Variants in RYR3 observed in about 807,000 individuals in gnomAD.
RYR3 encodes the protein brain ryanodine receptor-calcium release channel.
Under a neutral mutation model 584.3 loss-of-function variants are expected in RYR3, and 207 were observed. The ratio of observed to expected loss-of-function variants is 0.35; its 90% CI spans 0.32 to 0.40. RYR3 has a LOEUF of 0.40. Ranked by LOEUF, RYR3 falls within the 10% of genes least tolerant of loss-of-function variation. RYR3 has a pLI of 1.00. For synonymous variants in RYR3, 2,416 were observed against 2,248.5 expected, an observed-to-expected ratio of 1.07 and a Z score of -2.11; for missense variants, 5,616 against 6,089.2, an observed-to-expected ratio of 0.92 and a Z score of 2.59.
intron 19 of RYR3, among the ~76,000 whole-genome samples, chr15:33,621,095 T>C (rs1385580999): frequency 3.9e-5 from 6 of 152,214 alleles, no homozygotes; most frequent in Admixed American, 3.9e-4. Flanking sequence ...CATTAAATGC[T>C]ACCTGAAACT....
At chr15:33,493,355 C>T (rs1165529898) in intron 2 of RYR3, among the ~76,000 whole-genome samples, 1 of 152,208 alleles carries the variant, frequency 6.6e-6, no homozygotes, top group Non-Finnish European at 1.5e-5. Context: ...GGAATAACAT[C>T]TTCATGGTTT....
Position 33,652,658 on chromosome 15 carries a change from A to C in RYR3, c.4143-60A>C, listed in dbSNP as rs527649132. 3.9e-6 allele frequency: 6 copies of C among 1,533,830 alleles called. No homozygotes were observed. The Admixed American group carries it at 1.2e-4, about 31-fold the overall frequency. On this transcript the variant is annotated intron_variant, in intron 31 of 103. Transcript: ENST00000634891. ...ATTTTCATTTTTCATTTCATTCCTG[A>C]GTCTTGATTACAAACTGCCCCAGTC...
In RYR3 at chr15:33,862,142, A is replaced by AAAAT. The variant is rs1208869127; in HGVS notation, c.14465+968_14465+971dup. Among the ~76,000 whole-genome samples, 10 of 152,184 alleles carry AAAAT rather than the reference A, an allele frequency of 6.6e-5. No individual in the cohort carries two copies. In the East Asian group the frequency reaches 1.9e-3, roughly 29 times the overall value. On this transcript the variant is annotated intron_variant, in intron 102 of 103. Transcript: ENST00000634891. ...CTGTAACTGTTCATTTACAAGAAAA[A>AAAAT]AAATAAAATGCTGGGCTCTGCTCCC... is the stretch of plus-strand genomic sequence containing the variant.
chr15:33,639,688 A>G (rs2061690430), intron 27 of RYR3, among the ~76,000 whole-genome samples: 1 of 152,204 alleles, frequency 6.6e-6, no homozygotes, highest in South Asian at 2.1e-4. Flanking sequence ...TTGGGGAAGC[A>G]GTGGGGACAG....
chr15:33,841,925 A>G lies in RYR3; in HGVS notation c.13099A>G (p.Thr4367Ala). The G allele has an allele frequency of 6.3e-7, 1 of 1,598,478 alleles. No homozygotes were observed. Among genetic ancestry groups the G allele is most frequent in the Non-Finnish European group, 8.5e-7 (1 of 1,172,452 alleles). The change falls in exon 91 of 104, where the codon ACA becomes GCA. Residue 4367 changes from threonine to alanine, a missense_variant. Around this residue, in one of 9 missense-constraint regions of RYR3, gnomAD observed 918 missense variants for 887.4 expected, o/e 1.03. Coordinates refer to ENST00000634891, the MANE Select transcript of RYR3 (RefSeq NM_001036.6). ...AGAGGAGCAAGCTGAGTACCTGTGG[A>G]CAGAAGTGACAAAAAAGAAGAAGCG... ...KEEEQAEYLW[T>A]EVTKKKKRRC...
chr15:33,864,027 T>C, intron 102 of RYR3, 111 bp from the exon 103 acceptor site: 1 of 709,856 alleles, frequency 1.4e-6, no homozygotes, highest in Non-Finnish European at 2.5e-6. Context: ...TTTAAGTCAC[T>C]GTAGATAGCG....
chr15:33,799,823 AT>A (rs1366570826), intron 67 of RYR3, among the ~76,000 whole-genome samples: 1 of 152,192 alleles, frequency 6.6e-6, no homozygotes, highest in Admixed American at 6.5e-5. Context: ...TTAGTGTCAT[AT>A]TTGAATTGTA....
intron 38 of RYR3, among the ~76,000 whole-genome samples, chr15:33,686,491 A>G (rs1953314383): frequency 1.3e-5 from 2 of 152,238 alleles, no homozygotes; most frequent in South Asian, 4.1e-4. Flanking sequence ...GAATTCTACC[A>G]GAGGTACAAA....
At chr15:33,339,427 C>G (rs752643705) in intron 1 of RYR3, among the ~76,000 whole-genome samples, 35 of 152,308 alleles carry the variant, frequency 2.3e-4, no homozygotes, top group Non-Finnish European at 5.0e-4. Flanking sequence ...ACAGAAGTGT[C>G]TTCCAAGGTT....
intron 1 of RYR3, among the ~76,000 whole-genome samples, chr15:33,350,567 A>G (rs1196609535): frequency 6.6e-6 from 1 of 151,818 alleles, no homozygotes; most frequent in Non-Finnish European, 1.5e-5. Flanking sequence ...TATCTCTCAG[A>G]CCACAGTGCA....
At chr15:33,448,075 G>A (rs11854682) in intron 1 of RYR3, among the ~76,000 whole-genome samples, 5,477 of 152,242 alleles carry the variant, frequency 0.036, 118 homozygotes, top group African/African-American at 0.061. Context: ...AGGTTAAATT[G>A]GAGCAAAGCA....
In RYR3 at chr15:33,527,269, T is replaced by TA. The variant is rs944096131; in HGVS notation, c.280-3317dup. Reference sequence around the variant, plus strand: ...AACATTTTTTAAAGGGCAAATTCTTTAAAAAATAAAATAAAATAAAATACA... The same window carrying TA: ...AACATTTTTTAAAGGGCAAATTCTTTAAAAAAATAAAATAAAATAAAATACA... On this transcript the variant is annotated intron_variant, in intron 3 of 103. Transcript: ENST00000634891. 7.5e-4 allele frequency among the ~76,000 whole-genome samples: 110 copies of TA among 146,798 alleles called. 1 individual carries two copies. Among genetic ancestry groups the TA allele is most frequent in the African/African-American group, 2.9e-3 (107 of 36,416 alleles).
intron 1 of RYR3, among the ~76,000 whole-genome samples, chr15:33,466,417 AT>A (rs1567301078): frequency 6.6e-6 from 1 of 152,224 alleles, no homozygotes; most frequent in Non-Finnish European, 1.5e-5. Context: ...ATTTTATTTC[AT>A]TTTTTAACAA....
intron 38 of RYR3, 32 bp downstream of exon 38, chr15:33,670,588 C>T (rs1267514027): frequency 3.9e-6 from 6 of 1,537,122 alleles, no homozygotes; most frequent in Non-Finnish European, 5.2e-6. Flanking sequence ...TGACAGTGTG[C>T]TCTTCTAAGA....
At chr15:33,613,424 C>T (rs1302647399) in intron 19 of RYR3, 49 bp downstream of exon 19, 1 of 1,526,108 alleles carries the variant, frequency 6.6e-7, no homozygotes, top group Non-Finnish European at 8.9e-7. Context: ...CCCCACCTCC[C>T]CGCCACCACT....
At position 33,550,324 on chromosome 15, in the gene RYR3, G is replaced by T; in HGVS notation, c.972+8G>T. ...TCTTTCCGGGCATCAAAGGTAAGGT[G>T]TGATAAAGTGGACTTTGACCCTGTT... On this transcript the variant is annotated splice_region_variant and intron_variant, in intron 10 of 103. Transcript: ENST00000634891. The T allele has an allele frequency of 6.2e-7, 1 of 1,610,514 alleles. No individual in the cohort carries two copies. The highest frequency in any genetic ancestry group is 8.5e-7 in the Non-Finnish European group (1 of 1,178,384).
At chr15:33,434,983 A>C (rs1029724189) in intron 1 of RYR3, among the ~76,000 whole-genome samples, 1 of 151,796 alleles carries the variant, frequency 6.6e-6, no homozygotes, top group Non-Finnish European at 1.5e-5. Flanking sequence ...ATGCCTGGCT[A>C]ATTTTTTTTT....
At chr15:33,624,058 T>C (rs2060859799) in intron 20 of RYR3, 35 bp downstream of exon 20, 2 of 1,382,952 alleles carry the variant, frequency 1.4e-6, no homozygotes, top group Non-Finnish European at 2.1e-6. Flanking sequence ...GCAACCAATA[T>C]AGATGAAGCA....
At chr15:33,468,126 G>A (rs1361314544) in intron 1 of RYR3, among the ~76,000 whole-genome samples, 3 of 152,190 alleles carry the variant, frequency 2.0e-5, no homozygotes, top group Non-Finnish European at 2.9e-5. Context: ...TACAAGCTGT[G>A]TGGCACTGGG....
Sources: allele counts gnomAD v4.1 joint callset (sites outside exome capture counted in the v4.1 genomes callset), GRCh38; gene constraint gnomAD v4.1.1; regional missense constraint gnomAD v4.1.1; transcripts MANE v1.5; gene names NCBI Gene and HGNC (gene_info 2026-07-23, HGNC 2026-07-21).